The following SCARA5 variants were observed in gnomAD, a reference collection of about 807,000 sequenced individuals.
The protein encoded by SCARA5 is scavenger receptor class A, member 5 (putative).
SCARA5 carries 45 observed loss-of-function variants against 46.3 expected under a neutral mutation model. The ratio of observed to expected loss-of-function variants is 0.97; its 90% CI spans 0.76 to 1.24. The LOEUF (loss-of-function observed/expected upper bound fraction) is 1.24, where lower values mean the gene tolerates loss of function less well. SCARA5 is among the 50% of genes most tolerant of loss of function. The pLI, the probability that SCARA5 is intolerant of heterozygous loss-of-function variation, is 0.00. For missense variants in SCARA5, 680 were observed against 689.0 expected (o/e 0.99, Z 0.15); for synonymous variants, 333 against 306.5 (o/e 1.09, Z -0.90).
At chr8:27,977,325 C>T (rs544563237) in intron 2 of SCARA5, among the ~76,000 whole-genome samples, 1 of 152,078 alleles carries the variant, frequency 6.6e-6, no homozygotes, top group East Asian at 1.9e-4. Flanking sequence ...ACTCCCCAGG[C>T]CCCCCCATCA....
chr8:27,918,793 A>AGAG (rs370803624), intron 4 of SCARA5, among the ~76,000 whole-genome samples: 2 of 62,368 alleles, frequency 3.2e-5, no homozygotes, highest in Non-Finnish European at 7.2e-5. Flanking sequence ...AAGAGGAGAA[A>AGAG]GAGGAGGAGG....
In SCARA5 at chr8:27,921,552, A is replaced by C. The variant is rs370703406; in HGVS notation, c.916+19T>G. On this transcript the variant is annotated intron_variant, in intron 4 of 8. Transcript: ENST00000354914. Reference sequence around the variant, plus strand: ...ATCAGAAGGGGCCGTGGGTGGAGGCAGCAAGGGCCTGGCGGTACCTTTCGC... The same window carrying C: ...ATCAGAAGGGGCCGTGGGTGGAGGCCGCAAGGGCCTGGCGGTACCTTTCGC... 1.2e-5 allele frequency: 19 copies of C among 1,528,002 alleles called. No homozygotes were observed. In the African/African-American group the frequency reaches 1.9e-4, roughly 16 times the overall value. 94.7% of individuals were successfully genotyped at this position (1,528,002 alleles called of 1,614,324 possible).
rs567911678 is a variant in SCARA5, at chr8:27,977,081, A to G, written c.112+10423T>C. Among the ~76,000 whole-genome samples, 3 of 152,284 alleles carry G rather than the reference A, an allele frequency of 2.0e-5. No homozygotes were observed. In the East Asian group the frequency reaches 5.8e-4, roughly 29 times the overall value. On this transcript the variant is annotated intron_variant, in intron 2 of 8. Transcript: ENST00000354914. ...CAAGGCACCGGCAGATCAGGTGTCT[A>G]CACAGCCGCCCCACTCCTCACGGTA...
In SCARA5 at chr8:27,909,843, G is replaced by A. The variant is rs1012816281; in HGVS notation, c.917-100C>T. On this transcript the variant is annotated intron_variant, in intron 4 of 8. Transcript: ENST00000354914. ...AAAACGCCCTCTCTGAGGAGAGGAA[G>A]GGGCAGCATTAGCTTTGGAAACTCA... 28 of 710,360 alleles carry A rather than the reference G, an allele frequency of 3.9e-5. No individual in the cohort carries two copies. The East Asian group carries it at 8.9e-4, about 23-fold the overall frequency. The allele number at this position is 710,360 out of a possible 1,614,324, so 44.0% of individuals were successfully genotyped here.
At chr8:27,942,904 C>T (rs985503194) in intron 3 of SCARA5, among the ~76,000 whole-genome samples, 16 of 152,222 alleles carry the variant, frequency 1.1e-4, no homozygotes, top group African/African-American at 3.9e-4. Flanking sequence ...ATCTCCTCTG[C>T]ATCATTTAGC....
At chr8:27,889,458 G>C (rs983047570) in intron 7 of SCARA5, among the ~76,000 whole-genome samples, 9 of 152,116 alleles carry the variant, frequency 5.9e-5, no homozygotes, top group African/African-American at 2.2e-4. Flanking sequence ...GCCCAGAGAG[G>C]TGACGTGCCT....
chr8:27,905,701 TTTTC>T (rs1355787112), intron 6 of SCARA5, among the ~76,000 whole-genome samples: 1,119 of 16,254 alleles, frequency 0.069, 23 homozygotes, highest in Non-Finnish European at 0.25. Context: ...TTTTCTTTTC[TTTTC>T]TTTTTTTTTT....
Position 27,937,441 on chromosome 8 carries a change from G to C in SCARA5, c.242-15196C>G, listed in dbSNP as rs547007097. ...GCTGCACAGCTCCTGGGTCCTGGGGGCATGAGGCCCCAGTTGCCACAGTGG... is the reference window on the plus strand; with the variant it reads ...GCTGCACAGCTCCTGGGTCCTGGGGCCATGAGGCCCCAGTTGCCACAGTGG... On this transcript the variant is annotated intron_variant, in intron 3 of 8. Transcript: ENST00000354914. 3.9e-5 allele frequency among the ~76,000 whole-genome samples: 6 copies of C among 152,284 alleles called. No individual in the cohort carries two copies. In the South Asian group the frequency reaches 8.3e-4, roughly 21 times the overall value.
At chr8:27,945,577 T>G (rs79324367) in intron 3 of SCARA5, among the ~76,000 whole-genome samples, 1 of 152,106 alleles carries the variant, frequency 6.6e-6, no homozygotes, top group African/African-American at 2.4e-5. Context: ...GCATACAGGT[T>G]GTGCAAAGCA....
At chr8:27,986,429 A>AT (rs1243527986) in intron 2 of SCARA5, among the ~76,000 whole-genome samples, 1 of 152,084 alleles carries the variant, frequency 6.6e-6, no homozygotes, top group Non-Finnish European at 1.5e-5. Context: ...GAGGACAGAG[A>AT]TTTTTTAATT....
chr8:27,920,962 C>T (rs59002378), intron 4 of SCARA5, among the ~76,000 whole-genome samples: 18,403 of 152,106 alleles, frequency 0.12, 2,269 homozygotes, highest in African/African-American at 0.3. Flanking sequence ...GGCTACAGAG[C>T]GAGACTCCGT....
chr8:27,917,912 T>A (rs1321514931), intron 4 of SCARA5, among the ~76,000 whole-genome samples: 1 of 152,156 alleles, frequency 6.6e-6, no homozygotes, highest in Admixed American at 6.5e-5. Context: ...TCCTTTGATT[T>A]CTGGGATGTG....
At chr8:27,982,731 C>T (rs56229389) in intron 2 of SCARA5, among the ~76,000 whole-genome samples, 2,947 of 152,176 alleles carry the variant, frequency 0.019, 103 homozygotes, top group African/African-American at 0.066. Flanking sequence ...GGGGTACCTG[C>T]GGGGCCTTGA....
At chr8:27,872,213 CG>C in intron 8 of SCARA5, 143 bp from the exon 9 acceptor site, 1 of 723,350 alleles carries the variant, frequency 1.4e-6, no homozygotes. Flanking sequence ...CCACGCCCCC[CG>C]AAGACCTCAT....
intron 3 of SCARA5, among the ~76,000 whole-genome samples, chr8:27,929,496 T>G (rs2129837966): frequency 6.6e-6 from 1 of 152,304 alleles, no homozygotes; most frequent in African/African-American, 2.4e-5. Flanking sequence ...ACCCTTTATC[T>G]TTGCAAAGAA....
intron 7 of SCARA5, among the ~76,000 whole-genome samples, chr8:27,885,670 T>G (rs1269319484): frequency 6.6e-6 from 1 of 152,168 alleles, no homozygotes; most frequent in Non-Finnish European, 1.5e-5. Context: ...TCCTCTTTAT[T>G]ACATCACAAC....
rs1253575493 is a variant in SCARA5, at chr8:27,870,467, G to C, written c.*1467C>G. 3 of 152,422 alleles carry C rather than the reference G, an allele frequency of 2.0e-5. No homozygotes were observed. The highest frequency in any genetic ancestry group is 4.4e-5 in the Non-Finnish European group (3 of 68,032). 9.4% of individuals were successfully genotyped at this position (152,422 alleles called of 1,614,324 possible). A position where few individuals can be genotyped will look rare whatever the true frequency, so the allele number is the denominator to read the frequency against. On this transcript the variant is annotated 3_prime_UTR_variant, in exon 9 of 9. Coordinates refer to ENST00000354914, the MANE Select transcript of SCARA5 (RefSeq NM_173833.6). ...ATTGGCTTAGTTGTCAGCCAGGAGT[G>C]TTGCTGTTCCTACACCTGGAGGGGC... is the stretch of plus-strand genomic sequence containing the variant.
chr8:27,952,594 C>T (rs1247443178), intron 3 of SCARA5, among the ~76,000 whole-genome samples: 1 of 152,246 alleles, frequency 6.6e-6, no homozygotes, highest in Non-Finnish European at 1.5e-5. Context: ...CTGAGAGTGA[C>T]AAGCCATGCA....
chr8:27,991,910 C>T (rs1808792917), intron 1 of SCARA5, among the ~76,000 whole-genome samples: 1 of 151,416 alleles, frequency 6.6e-6, no homozygotes, highest in Non-Finnish European at 1.5e-5. Context: ...CACATGCACA[C>T]ACACGAAGCC....
Sources: gnomAD v4.1 joint callset for allele counts (sites outside exome capture counted in the v4.1 genomes callset) on GRCh38, gnomAD v4.1.1 for gene constraint, MANE v1.5 for transcripts, NCBI Gene and HGNC (gene_info 2026-07-23, HGNC 2026-07-21) for gene names.